The following CACHD1 variants were observed in gnomAD, a reference collection of about 807,000 sequenced individuals.
CACHD1 encodes cache domain containing 1, also known as VWFA and cache domain-containing protein 1.
Under a neutral mutation model 138.7 loss-of-function variants are expected in CACHD1, and 71 were observed. The observed-to-expected ratio is 0.51, with a 90% CI of 0.42 to 0.62. The LOEUF is 0.62. CACHD1 is among the 20% of genes least tolerant of loss of function. The probability of loss-of-function intolerance (pLI) is 0.00; values close to 1 mark genes in which losing one functional copy is unlikely to be tolerated. For synonymous variants in CACHD1, 578 were observed against 591.5 expected (o/e 0.98, Z 0.33); for missense variants, 1,389 against 1,625.3 (o/e 0.85, Z 2.50).
At chr1:64,562,427 T>C (rs1190534034) in intron 2 of CACHD1, among the ~76,000 whole-genome samples, 1 of 87,674 alleles carries the variant, frequency 1.1e-5, no homozygotes, top group Non-Finnish European at 2.6e-5. Context: ...TTTTTTTTTT[T>C]TGAGACAGAG....
At chr1:64,594,749 C>A (rs539687496) in intron 3 of CACHD1, among the ~76,000 whole-genome samples, 3 of 152,274 alleles carry the variant, frequency 2.0e-5, no homozygotes, top group African/African-American at 7.2e-5. Context: ...TTTTTAAAAT[C>A]TGATCTCTGT....
intron 24 of CACHD1, among the ~76,000 whole-genome samples, chr1:64,680,227 G>A (rs1220580499): frequency 6.6e-6 from 1 of 152,164 alleles, no homozygotes; most frequent in Non-Finnish European, 1.5e-5. Flanking sequence ...GGTGGCTCAT[G>A]CCTGTAATCC....
chr1:64,504,985 T>C (rs935723641), intron 1 of CACHD1, among the ~76,000 whole-genome samples: 1 of 152,232 alleles, frequency 6.6e-6, no homozygotes, highest in Admixed American at 6.5e-5. Flanking sequence ...TATTTTGATA[T>C]TGATAACAGC....
At chr1:64,666,723 ATAAT>A (rs748305263) in intron 16 of CACHD1, among the ~76,000 whole-genome samples, 14 of 151,934 alleles carry the variant, frequency 9.2e-5, no homozygotes, top group African/African-American at 1.7e-4. Context: ...CAAAAATAAA[ATAAT>A]TAATCAGGCA....
At chr1:64,522,600 G>A (rs1272860752) in intron 1 of CACHD1, among the ~76,000 whole-genome samples, 1 of 152,016 alleles carries the variant, frequency 6.6e-6, no homozygotes, top group African/African-American at 2.4e-5. Flanking sequence ...AGCCCTGGTC[G>A]GAGCAAGTTC....
At chr1:64,588,996 T>C (rs1008376720) in intron 3 of CACHD1, among the ~76,000 whole-genome samples, 1 of 152,232 alleles carries the variant, frequency 6.6e-6, no homozygotes, top group Non-Finnish European at 1.5e-5. Context: ...ATGGATGCTC[T>C]GATGGAGTTA....
chr1:64,535,251 CT>C (rs1646622231), intron 1 of CACHD1, among the ~76,000 whole-genome samples: 1 of 151,460 alleles, frequency 6.6e-6, no homozygotes, highest in Non-Finnish European at 1.5e-5. Flanking sequence ...CTCCCTCCGT[CT>C]TTCTCCACCT....
Position 64,620,938 on chromosome 1 carries a change from C to T in CACHD1, c.518-8417C>T, listed in dbSNP as rs989690891. Among the ~76,000 whole-genome samples the T allele has an allele frequency of 2.0e-5, 3 of 152,040 alleles. No individual in the cohort carries two copies. In the East Asian group the frequency reaches 5.8e-4, roughly 29 times the overall value. On this transcript the variant is annotated intron_variant, in intron 4 of 26. Coordinates refer to ENST00000651257, the MANE Select transcript of CACHD1 (RefSeq NM_020925.4). ...AGGAGGAATGGCCCTAACTTACAGCCAACTAAAAAGATTCCCACTACACAG... is the reference window on the plus strand; with the variant it reads ...AGGAGGAATGGCCCTAACTTACAGCTAACTAAAAAGATTCCCACTACACAG...
In CACHD1 at chr1:64,634,021, T is replaced by G. The variant is rs766546973; in HGVS notation, c.790-23T>G. ...CGGTAGGATAACAAGTTTGGTGGTT[T>G]TTTTTTTTTTTCTTTCCTGCAGATT... On this transcript the variant is annotated intron_variant, in intron 6 of 26. Coordinates refer to ENST00000651257, the MANE Select transcript of CACHD1 (RefSeq NM_020925.4). The G allele has an allele frequency of 8.4e-6, 13 of 1,546,296 alleles. No individual in the cohort carries two copies. The Admixed American group carries it at 1.4e-4, about 16-fold the overall frequency.
chr1:64,619,857 A>C lies in CACHD1; in HGVS notation c.518-9498A>C, dbSNP rs1165949868. Among the ~76,000 whole-genome samples the C allele has an allele frequency of 3.9e-5, 6 of 152,172 alleles. No individual in the cohort carries two copies. In the East Asian group the frequency reaches 1.2e-3, roughly 29 times the overall value. On this transcript the variant is annotated intron_variant, in intron 4 of 26. Coordinates refer to ENST00000651257, the MANE Select transcript of CACHD1 (RefSeq NM_020925.4). ...ATCAGAATTTGCCTCCTCTAGTTAT[A>C]ATAACTGTATGGACATAGATAAGTT...
intron 13 of CACHD1, among the ~76,000 whole-genome samples, chr1:64,661,569 T>C (rs1167363425): frequency 6.6e-6 from 1 of 152,190 alleles, no homozygotes; most frequent in African/African-American, 2.4e-5. Context: ...TATTGTGTTA[T>C]TCTTACACTG....
intron 13 of CACHD1, among the ~76,000 whole-genome samples, chr1:64,659,927 C>T (rs1048541404): frequency 3.3e-5 from 5 of 152,210 alleles, no homozygotes; most frequent in Non-Finnish European, 5.9e-5. Flanking sequence ...ATTCCATCCT[C>T]GAGAGTTCTG....
At chr1:64,623,996 T>G (rs1648009142) in intron 4 of CACHD1, among the ~76,000 whole-genome samples, 2 of 152,144 alleles carry the variant, frequency 1.3e-5, no homozygotes, top group African/African-American at 4.8e-5. Flanking sequence ...CCTAACTGAC[T>G]CATAGGAATG....
intron 1 of CACHD1, among the ~76,000 whole-genome samples, chr1:64,475,172 T>C (rs1356450906): frequency 3.7e-5 from 1 of 27,342 alleles, no homozygotes; most frequent in Admixed American, 6.8e-4. Context: ...AATTCCTTCC[T>C]TTTTTTTTTT....
At chr1:64,653,977 G>T (rs1215596033) in intron 11 of CACHD1, 96 bp downstream of exon 11, 6 of 1,063,182 alleles carry the variant, frequency 5.6e-6, no homozygotes, top group Non-Finnish European at 7.9e-6. Flanking sequence ...TAAAACAAGT[G>T]TATAAATTAT....
intron 1 of CACHD1, among the ~76,000 whole-genome samples, chr1:64,474,361 T>C (rs547601537): frequency 2.0e-5 from 3 of 152,080 alleles, no homozygotes; most frequent in Non-Finnish European, 4.4e-5. Flanking sequence ...AGCCCCACAT[T>C]GGGTAGGTAG....
At position 64,494,659 on chromosome 1, in the gene CACHD1, A is replaced by C. The variant is rs192395102; in HGVS notation, c.198+23717A>C. Among the ~76,000 whole-genome samples, 23 of 152,330 alleles carry C rather than the reference A, an allele frequency of 1.5e-4. No homozygotes were observed. In the East Asian group the frequency reaches 3.9e-3, roughly 26 times the overall value. The stretch of plus-strand genomic sequence containing the variant: ...GGCTAGTGGAATTCTTTATTGCTTA[A>C]ATTGACAGGATATGGTTGCTTAAAT... On this transcript the variant is annotated intron_variant, in intron 1 of 26. Coordinates refer to ENST00000651257, the MANE Select transcript of CACHD1 (RefSeq NM_020925.4).
chr1:64,663,561 A>AG, intron 13 of CACHD1, 134 bp from the exon 14 acceptor site: 1 of 1,200,342 alleles, frequency 8.3e-7, no homozygotes, highest in African/African-American at 1.5e-5. Context: ...AAAAAAAAAA[A>AG]AAAAGAAAAA....
intron 2 of CACHD1, among the ~76,000 whole-genome samples, chr1:64,581,624 C>G (rs1029676690): frequency 3.9e-5 from 6 of 152,154 alleles, no homozygotes; most frequent in African/African-American, 1.4e-4. Flanking sequence ...ATGGATTGTA[C>G]AACTCCAAGG....
Sources: gnomAD v4.1 joint callset for allele counts (sites outside exome capture counted in the v4.1 genomes callset) on GRCh38, gnomAD v4.1.1 for gene constraint, MANE v1.5 for transcripts, NCBI Gene and HGNC (gene_info 2026-07-23, HGNC 2026-07-21) for gene names.